HLA-DOA: variants seen among roughly 807,000 people sequenced by gnomAD.
The protein encoded by HLA-DOA is major histocompatibility complex, class II, DO alpha.
HLA-DOA carries 27 observed loss-of-function variants against 22.9 expected under a neutral mutation model. The observed-to-expected ratio is 1.18, with a 90% CI of 0.87 to 1.62. The LOEUF (loss-of-function observed/expected upper bound fraction) is 1.62, where lower values mean the gene tolerates loss of function less well. Among genes scored for constraint, HLA-DOA ranks in the 40% most tolerant of loss-of-function variants. The pLI, the probability that HLA-DOA is intolerant of heterozygous loss-of-function variation, is 0.00. For synonymous variants in HLA-DOA, 137 were observed against 138.6 expected (o/e 0.99, Z 0.08); for missense variants, 324 against 332.4 (o/e 0.97, Z 0.20).
chr6:33,006,693 G>C lies in HLA-DOA; in HGVS notation c.*145C>G. 7.6e-7 allele frequency: 1 copy of C among 1,323,800 alleles called. No individual in the cohort carries two copies. Among genetic ancestry groups the C allele is most frequent in the African/African-American group, 1.4e-5 (1 of 69,606 alleles). The allele number at this position is 1,323,800 out of a possible 1,614,324, so 82.0% of individuals were successfully genotyped here. On this transcript the variant is annotated 3_prime_UTR_variant, in exon 5 of 5. Transcript: ENST00000229829. ...TGCCATGAATACTGGGGCCAAAAAAGAGGGGACCCGTAGGACAGATGTTGA... is the reference window on the plus strand; with the variant it reads ...TGCCATGAATACTGGGGCCAAAAAACAGGGGACCCGTAGGACAGATGTTGA...
rs1385295517 is a variant in HLA-DOA, at chr6:33,004,376, C to T, written c.*2462G>A. 1 of 152,148 alleles carries T rather than the reference C, an allele frequency of 6.6e-6. No individual in the cohort carries two copies. The highest frequency in any genetic ancestry group is 1.5e-5 in the Non-Finnish European group (1 of 68,046). 9.4% of individuals were successfully genotyped at this position (152,148 alleles called of 1,614,324 possible). Reference sequence around the variant, plus strand: ...CCTCTTTCTCTGAGAAGAACTTGACCCCTCGCCCCGGGGCTGAGTGCTTGG... The same window carrying T: ...CCTCTTTCTCTGAGAAGAACTTGACTCCTCGCCCCGGGGCTGAGTGCTTGG... On this transcript the variant is annotated 3_prime_UTR_variant, in exon 5 of 5. Transcript: ENST00000229829.
chr6:33,009,470 C>A lies in HLA-DOA; in HGVS notation c.67G>T (p.Ala23Ser), dbSNP rs1562015075. The A allele has an allele frequency of 6.2e-7, 1 of 1,602,896 alleles. No homozygotes were observed. Among genetic ancestry groups the A allele is most frequent in the Non-Finnish European group, 8.5e-7 (1 of 1,176,712 alleles). Reference protein sequence around the residue: ...TLMTLLSPQEAGATKADHMGS... With the variant: ...TLMTLLSPQESGATKADHMGS... Reference sequence around the variant, plus strand: ...TCGCACTCACCCTTGGTGGCCCCTGCCTCCTGCGGGCTCAGGAGGGTCATC... The same window carrying A: ...TCGCACTCACCCTTGGTGGCCCCTGACTCCTGCGGGCTCAGGAGGGTCATC... The change falls in exon 1 of 5, where the codon GCA becomes TCA. Residue 23 changes from alanine to serine, a missense_variant. Transcript: ENST00000229829. This position sits in a 1 kb window ranked among gnomAD's most constrained non-coding sequence, Gnocchi z 4.8.
chr6:33,008,321 A>T, intron 1 of HLA-DOA, 60 bp from the exon 2 acceptor site: 4 of 1,581,084 alleles, frequency 2.5e-6, no homozygotes, highest in Non-Finnish European at 2.6e-6. Flanking sequence ...CTCATCCACA[A>T]TATGTGATTG....
At chr6:33,008,533 G>A (rs76550619) in intron 1 of HLA-DOA, 2 of 804,870 alleles carry the variant, frequency 2.5e-6, no homozygotes, top group East Asian at 5.0e-5. Flanking sequence ...ATCATGCTTG[G>A]GGTTCCAGAA....
At position 33,005,590 on chromosome 6, in the gene HLA-DOA, T is replaced by TA. The variant is rs1322817074; in HGVS notation, c.*1247dup. On this transcript the variant is annotated 3_prime_UTR_variant, in exon 5 of 5. Transcript: ENST00000229829. ...TATTTTTATATTTTATTTATTTATT[T>TA]ATTTAGAGACAGGGTCTCACTCTGT... is the stretch of plus-strand genomic sequence containing the variant. The TA allele has an allele frequency of 6.6e-6, 1 of 151,918 alleles. No homozygotes were observed. The highest frequency in any genetic ancestry group is 1.5e-5 in the Non-Finnish European group (1 of 68,024). 9.4% of individuals were successfully genotyped at this position (151,918 alleles called of 1,614,324 possible).
intron 2 of HLA-DOA, 122 bp downstream of exon 2, chr6:33,007,891 G>T: frequency 7.5e-7 from 1 of 1,332,846 alleles, no homozygotes; most frequent in Non-Finnish European, 1.0e-6. Context: ...GGAAAGAAAG[G>T]AACAGGGCAT....
In HLA-DOA at chr6:33,009,463, G is replaced by T. The variant is rs1168523284; in HGVS notation, c.74C>A (p.Ala25Asp). The change falls in exon 1 of 5, where the codon GCC (alanine) becomes GAC (aspartate). Residue 25 changes from alanine (A) to aspartate (D), a missense_variant. Coordinates refer to ENST00000229829, the MANE Select transcript of HLA-DOA (RefSeq NM_002119.4). This position sits in a 1 kb window ranked among gnomAD's most constrained non-coding sequence, Gnocchi z 4.8. ...CTCGCCCTCGCACTCACCCTTGGTG[G>T]CCCCTGCCTCCTGCGGGCTCAGGAG... is the stretch of plus-strand genomic sequence containing the variant. ...MTLLSPQEAG[A>D]TKADHMGSYG... 6.3e-7 allele frequency: 1 copy of T among 1,599,932 alleles called. No homozygotes were observed. Among genetic ancestry groups the T allele is most frequent in the East Asian group, 2.2e-5 (1 of 44,552 alleles).
At chr6:33,008,321 A>G (rs1780920048) in intron 1 of HLA-DOA, 60 bp from the exon 2 acceptor site, 3 of 1,580,966 alleles carry the variant, frequency 1.9e-6, no homozygotes. Flanking sequence ...CTCATCCACA[A>G]TATGTGATTG....
rs1357710443 is a variant in HLA-DOA at position 33,009,074 on chromosome 6, T to G, written c.82+381A>C. Among the ~76,000 whole-genome samples the G allele has an allele frequency of 1.3e-5, 2 of 152,104 alleles. No homozygotes were observed. Among genetic ancestry groups the G allele is most frequent in the African/African-American group, 4.8e-5 (2 of 41,400 alleles). On this transcript the variant is annotated intron_variant, in intron 1 of 4. Transcript: ENST00000229829. The surrounding 1 kb of genome is among the most constrained non-coding windows in gnomAD (Gnocchi z 4.8). ...CGAAGAACAAAGACAGGTAAATAGT[T>G]AACTACCGGCATGGGCATAAATACT... is the stretch of plus-strand genomic sequence containing the variant.
At chr6:33,007,051 C>A (rs761051682) in intron 4 of HLA-DOA, 29 bp downstream of exon 4, 13 of 1,591,910 alleles carry the variant, frequency 8.2e-6, no homozygotes, top group South Asian at 2.3e-5. Flanking sequence ...TTTCCTCCCC[C>A]ACCCCCCAGA....
At chr6:33,006,980 A>C (rs1190707107) in intron 4 of HLA-DOA, 100 bp downstream of exon 4, 4 of 1,515,904 alleles carry the variant, frequency 2.6e-6, no homozygotes, top group African/African-American at 2.8e-5. Flanking sequence ...TTCTTTTCTG[A>C]CTTCTTTCCC....
rs1241495831 is a variant in HLA-DOA at position 33,004,596 on chromosome 6, GGACA to G, written c.*2238_*2241del. 1.3e-5 allele frequency: 2 copies of G among 152,228 alleles called. No individual in the cohort carries two copies. The highest frequency in any genetic ancestry group is 1.3e-4 in the Admixed American group (2 of 15,286). 9.4% of individuals were successfully genotyped at this position (152,228 alleles called of 1,614,324 possible). A position where few individuals can be genotyped will look rare whatever the true frequency, so the allele number is the denominator to read the frequency against. ...GTCGGGTGGACATGTTCACTGAGAA[GGACA>G]GTCAGTCCACAGAGAGAGAACACCG... On this transcript the variant is annotated 3_prime_UTR_variant, in exon 5 of 5. Coordinates refer to ENST00000229829, the MANE Select transcript of HLA-DOA (RefSeq NM_002119.4).
chr6:33,007,717 T>C (rs1780882735), intron 2 of HLA-DOA, 125 bp from the exon 3 acceptor site: 1 of 1,150,198 alleles, frequency 8.7e-7, no homozygotes. Flanking sequence ...GGGTATCCAC[T>C]GGGGCAGGAG....
At position 33,006,680 on chromosome 6, in the gene HLA-DOA, TG is replaced by T; in HGVS notation, c.*157del. The T allele has an allele frequency of 1.8e-6, 2 of 1,113,050 alleles. No homozygotes were observed. The highest frequency in any genetic ancestry group is 2.7e-6 in the Non-Finnish European group (2 of 733,940). The allele number at this position is 1,113,050 out of a possible 1,614,324, so 68.9% of individuals were successfully genotyped here. ...GTCCAACAAACCCTGCCATGAATAC[TG>T]GGGCCAAAAAAGAGGGGACCCGTAG... On this transcript the variant is annotated 3_prime_UTR_variant, in exon 5 of 5. Transcript: ENST00000229829.
rs1582985398 is a variant in HLA-DOA at position 33,007,901 on chromosome 6, T to G, written c.331+112A>C. ...TCCTGGGAAAGAAAGGAACAGGGCA[T>G]GACAGGCGCGGGCGCTGAGAGCGCG... is the stretch of plus-strand genomic sequence containing the variant. On this transcript the variant is annotated intron_variant, in intron 2 of 4. Transcript: ENST00000229829. The G allele has an allele frequency of 6.5e-6, 9 of 1,388,130 alleles. No individual in the cohort carries two copies. In the East Asian group the frequency reaches 1.6e-4, roughly 25 times the overall value. The allele number at this position is 1,388,130 out of a possible 1,614,324, so 86.0% of individuals were successfully genotyped here.
rs964663060 is a variant in HLA-DOA at position 33,008,476 on chromosome 6, C to T, written c.83-215G>A. 5 of 1,307,434 alleles carry T rather than the reference C, an allele frequency of 3.8e-6. No homozygotes were observed. The African/African-American group carries it at 7.5e-5, about 20-fold the overall frequency. The allele number at this position is 1,307,434 out of a possible 1,614,324, so 81.0% of individuals were successfully genotyped here. A position where few individuals can be genotyped will look rare whatever the true frequency, so the allele number is the denominator to read the frequency against. On this transcript the variant is annotated intron_variant, in intron 1 of 4. Transcript: ENST00000229829. ...CAGCACACTGCAGTCGGCACAGAGA[C>T]AGTGCAGTCTGGCATATCAGGATGG...
Position 33,007,473 on chromosome 6 carries a change from C to G in HLA-DOA, c.451G>C (p.Gly151Arg), listed in dbSNP as rs767752263. ...PVINITWLRN[G>R]QTVTEGVAQT... ...GCCACTCCCTCAGTGACAGTTTGGC[C>G]GTTGCGCAGCCAGGTGATATTGATC... Residue 151 changes from glycine to arginine, a missense_variant, in exon 3 of 5, where the codon GGC becomes CGC. Coordinates refer to ENST00000229829, the MANE Select transcript of HLA-DOA (RefSeq NM_002119.4). The G allele has an allele frequency of 1.1e-4, 171 of 1,612,150 alleles. No individual in the cohort carries two copies. The highest frequency in any genetic ancestry group is 1.4e-4 in the Non-Finnish European group (164 of 1,179,670).
In HLA-DOA at chr6:33,008,099, G is replaced by A; in HGVS notation, c.245C>T (p.Pro82Leu). Reference sequence around the variant, plus strand: ...GGCGATGCCGGCCAGCCCGCCCTGCGGGTCAAAGCGGGCAAAGTCACCAAA... The same window carrying A: ...GGCGATGCCGGCCAGCCCGCCCTGCAGGTCAAAGCGGGCAAAGTCACCAAA... Reference protein sequence around the residue: ...PEFGDFARFDPQGGLAGIAAI... With the variant: ...PEFGDFARFDLQGGLAGIAAI... The change falls in exon 2 of 5, where the codon CCG (proline) becomes CTG (leucine). Residue 82 changes from proline (P) to leucine (L), a missense_variant. Physicochemically the swap from Pro to Leu is moderately conservative, Grantham distance 98 (BLOSUM62 -3). Coordinates refer to ENST00000229829, the MANE Select transcript of HLA-DOA (RefSeq NM_002119.4). The A allele has an allele frequency of 6.2e-7, 1 of 1,613,036 alleles. No individual in the cohort carries two copies. The highest frequency in any genetic ancestry group is 8.5e-7 in the Non-Finnish European group (1 of 1,180,018).
In HLA-DOA at chr6:33,005,466, T is replaced by TG. The variant is rs1343590012; in HGVS notation, c.*1371dup. 2 of 152,650 alleles carry TG rather than the reference T, an allele frequency of 1.3e-5. No homozygotes were observed. Among genetic ancestry groups the TG allele is most frequent in the Non-Finnish European group, 2.9e-5 (2 of 68,422 alleles). 9.5% of individuals were successfully genotyped at this position (152,650 alleles called of 1,614,324 possible). On this transcript the variant is annotated 3_prime_UTR_variant, in exon 5 of 5. Coordinates refer to ENST00000229829, the MANE Select transcript of HLA-DOA (RefSeq NM_002119.4). ...GAGATCATGCCATGGCACTCCAGCC[T>TG]GGTGACAGAGTGAGACCCCATCTCA... is the stretch of plus-strand genomic sequence containing the variant.
Sources: allele counts gnomAD v4.1 joint callset (sites outside exome capture counted in the v4.1 genomes callset), GRCh38; gene constraint gnomAD v4.1.1; non-coding constraint Gnocchi (gnomAD v3.1); transcripts MANE v1.5; gene names NCBI Gene and HGNC (gene_info 2026-07-23, HGNC 2026-07-21).